The following ECT2L variants were observed in gnomAD, a reference collection of about 807,000 sequenced individuals.
ECT2L encodes the protein epithelial cell transforming 2 like.
Under a neutral mutation model 122.8 loss-of-function variants are expected in ECT2L, and 126 were observed. That is an observed-to-expected ratio of 1.03 (90% CI 0.89 to 1.19). The LOEUF (loss-of-function observed/expected upper bound fraction) is 1.19. ECT2L is among the 50% of genes most tolerant of loss of function. The pLI is 0.00. For missense variants in ECT2L, 1,012 were observed against 1,064.1 expected (o/e 0.95, Z 0.68); for synonymous variants, 385 against 381.8 (o/e 1.01, Z -0.10).
At chr6:138,797,511 GAT>G (rs766184661) in intron 1 of ECT2L, among the ~76,000 whole-genome samples, 90 of 152,230 alleles carry the variant, frequency 5.9e-4, no homozygotes, top group Admixed American at 1.7e-3. Flanking sequence ...CTGTATAACA[GAT>G]AACCTGTGGA....
chr6:138,851,249 T>C (rs76409167), intron 9 of ECT2L, among the ~76,000 whole-genome samples: 1,798 of 152,116 alleles, frequency 0.012, 32 homozygotes, highest in African/African-American at 0.041. Context: ...AATGCAGTGG[T>C]GTGATCATAG....
chr6:138,804,997 C>T (rs1446194029), intron 1 of ECT2L, among the ~76,000 whole-genome samples: 3 of 152,114 alleles, frequency 2.0e-5, no homozygotes, highest in African/African-American at 7.2e-5. Context: ...CCAATCATTA[C>T]CCTCTCTTTC....
At chr6:138,887,084 A>C (rs1327701521) in intron 19 of ECT2L, among the ~76,000 whole-genome samples, 162 bp downstream of exon 19, 1 of 152,158 alleles carries the variant, frequency 6.6e-6, no homozygotes, top group African/African-American at 2.4e-5. Flanking sequence ...TGTTACCTGC[A>C]AGGTTGCTCT....
At chr6:138,892,336 G>A (rs1440551414) in intron 20 of ECT2L, among the ~76,000 whole-genome samples, 1 of 152,060 alleles carries the variant, frequency 6.6e-6, no homozygotes, top group African/African-American at 2.4e-5. Flanking sequence ...TACATTACCT[G>A]TCTGTTCTTG....
At chr6:138,892,686 A>G (rs921003773) in intron 20 of ECT2L, among the ~76,000 whole-genome samples, 4 of 151,932 alleles carry the variant, frequency 2.6e-5, no homozygotes, top group African/African-American at 9.7e-5. Flanking sequence ...TAGAGATGGG[A>G]TTCACCACAT....
chr6:138,843,739 TG>T (rs1269115723), intron 6 of ECT2L, among the ~76,000 whole-genome samples: 2 of 152,178 alleles, frequency 1.3e-5, no homozygotes, highest in African/African-American at 4.8e-5. Context: ...TCACCCAGGC[TG>T]TGCAGTAGTA....
intron 14 of ECT2L, among the ~76,000 whole-genome samples, chr6:138,877,161 G>T (rs551089936): frequency 1.3e-5 from 2 of 152,266 alleles, no homozygotes; most frequent in African/African-American, 4.8e-5. Context: ...GTTACATGGG[G>T]GAAAAAAGTC....
In ECT2L at chr6:138,903,215, G is replaced by A. The variant is rs1333785599; in HGVS notation, c.*588G>A. ...TCTACTAAAAATACAAAATTAGCCAGGCATGGTGGCACACGCCTGTAGTCC... is the reference window on the plus strand; with the variant it reads ...TCTACTAAAAATACAAAATTAGCCAAGCATGGTGGCACACGCCTGTAGTCC... On this transcript the variant is annotated 3_prime_UTR_variant, in exon 22 of 22. Transcript: ENST00000541398. 6.6e-6 allele frequency: 1 copy of A among 152,492 alleles called. No individual in the cohort carries two copies. Among genetic ancestry groups the A allele is most frequent in the Non-Finnish European group, 1.5e-5 (1 of 68,404 alleles). The allele number at this position is 152,492 out of a possible 1,614,324, so 9.4% of individuals were successfully genotyped here. A position where few individuals can be genotyped will look rare whatever the true frequency, so the allele number is the denominator to read the frequency against.
chr6:138,865,279 T>G (rs1026343659), intron 12 of ECT2L, 101 bp downstream of exon 12: 1 of 1,175,636 alleles, frequency 8.5e-7, no homozygotes, highest in African/African-American at 1.5e-5. Flanking sequence ...ATTTTACTCT[T>G]GAACATCTCC....
chr6:138,831,601 A>G lies in ECT2L; in HGVS notation c.180-6751A>G, dbSNP rs568765558. On this transcript the variant is annotated intron_variant, in intron 4 of 21. Transcript: ENST00000541398. Reference sequence around the variant, plus strand: ...CTCCCGCAGGGAAGCCTTTCCACACATGTACTTTTTCTTCAGAAGATTAAC... The same window carrying G: ...CTCCCGCAGGGAAGCCTTTCCACACGTGTACTTTTTCTTCAGAAGATTAAC... Among the ~76,000 whole-genome samples the G allele has an allele frequency of 1.0e-3, 155 of 152,210 alleles. 2 individuals are homozygous for G. The highest frequency in any genetic ancestry group is 0.01 in the Admixed American group (154 of 15,294).
chr6:138,844,510 G>A lies in ECT2L; in HGVS notation c.694G>A (p.Glu232Lys). 1.2e-6 allele frequency: 2 copies of A among 1,614,158 alleles called. No individual in the cohort carries two copies. The highest frequency in any genetic ancestry group is 1.7e-6 in the Non-Finnish European group (2 of 1,180,022). Residue 232 changes from glutamate (E) to lysine (K), a missense_variant, in exon 7 of 22, where the codon GAG becomes AAG. Glu to Lys is a moderately conservative substitution (Grantham distance 56). Transcript: ENST00000541398. ...ACCACGCCTCTCCCAGACTGTAAGG[G>A]AGCGAGTGGGATTACATGAAGCTTT... ...CQPRLSQTVR[E>K]RVGLHEALEK...
chr6:138,796,783 T>C (rs1775360464), intron 1 of ECT2L, among the ~76,000 whole-genome samples: 1 of 152,262 alleles, frequency 6.6e-6, no homozygotes, highest in Admixed American at 6.5e-5. Flanking sequence ...AAACTTTGCA[T>C]ATGTATCAGA....
In ECT2L at chr6:138,849,290, G is replaced by C. The variant is rs1340242237; in HGVS notation, c.925G>C (p.Ala309Pro). The C allele has an allele frequency of 1.2e-6, 2 of 1,613,060 alleles. No homozygotes were observed. The highest frequency in any genetic ancestry group is 1.1e-5 in the South Asian group (1 of 90,816). ...AYEMVMESVK[A>P]GVVSVVYEHS... is the part of the protein sequence containing the mutation. The stretch of plus-strand genomic sequence containing the variant: ...CCAGATGGTGATGGAGAGTGTGAAG[G>C]CTGGTGTTGTTTCTGTGGTATATGA... Residue 309 changes from alanine (A) to proline (P), a missense_variant, in exon 9 of 22, where the codon GCT (alanine) becomes CCT (proline). Coordinates refer to ENST00000541398, the MANE Select transcript of ECT2L (RefSeq NM_001077706.3).
chr6:138,798,909 AGTGTTCAAACT>A (rs1775435717), intron 1 of ECT2L, among the ~76,000 whole-genome samples: 1 of 152,058 alleles, frequency 6.6e-6, no homozygotes, highest in South Asian at 2.1e-4. Context: ...TACACTGCTG[AGTGTTCAAACT>A]GTGTTCAAAT....
chr6:138,798,975 A>G (rs1373805611), intron 1 of ECT2L, among the ~76,000 whole-genome samples: 1 of 152,086 alleles, frequency 6.6e-6, no homozygotes, highest in Non-Finnish European at 1.5e-5. Context: ...TTCTGTACCT[A>G]ATTTCTGATT....
At chr6:138,818,657 G>A (rs772689088) in intron 4 of ECT2L, among the ~76,000 whole-genome samples, 4 of 152,290 alleles carry the variant, frequency 2.6e-5, no homozygotes, top group Admixed American at 6.5e-5. Context: ...ATGGGGTCAC[G>A]GGAGAGAGAT....
intron 6 of ECT2L, 129 bp downstream of exon 6, chr6:138,843,360 A>T: frequency 1.1e-6 from 1 of 952,090 alleles, no homozygotes; most frequent in Non-Finnish European, 1.5e-6. Flanking sequence ...AGTATTTTCC[A>T]GATGAGCTTT....
chr6:138,894,454 G>C (rs1779145118), intron 20 of ECT2L, among the ~76,000 whole-genome samples: 1 of 152,158 alleles, frequency 6.6e-6, no homozygotes, highest in Admixed American at 6.5e-5. Flanking sequence ...AAAATACTTT[G>C]AAGATTTAGG....
chr6:138,886,869 A>C lies in ECT2L; in HGVS notation c.2272A>C (p.Ile758Leu). The C allele has an allele frequency of 6.2e-7, 1 of 1,613,558 alleles. No individual in the cohort carries two copies. Among genetic ancestry groups the C allele is most frequent in the Non-Finnish European group, 8.5e-7 (1 of 1,179,748 alleles). The part of the protein sequence containing the change: ...KGYIDQMKQN[I>L]TMKDHLSDIQ... Reference sequence around the variant, plus strand: ...TTTTTTCCCCTAGATGAAGCAAAACATCACTATGAAGGATCATCTGTCAGA... The same window carrying C: ...TTTTTTCCCCTAGATGAAGCAAAACCTCACTATGAAGGATCATCTGTCAGA... Residue 758 changes from isoleucine (I) to leucine (L), a missense_variant, in exon 19 of 22, where the codon ATC (isoleucine) becomes CTC (leucine). Transcript: ENST00000541398.
Sources: allele counts gnomAD v4.1 joint callset (sites outside exome capture counted in the v4.1 genomes callset), GRCh38; gene constraint gnomAD v4.1.1; transcripts MANE v1.5; gene names NCBI Gene and HGNC (gene_info 2026-07-23, HGNC 2026-07-21).